EMCN: variants seen among roughly 807,000 people sequenced by gnomAD.
EMCN encodes the protein MUC-14.
Under a neutral mutation model 38.4 loss-of-function variants are expected in EMCN, and 37 were observed. The ratio of observed to expected loss-of-function variants is 0.96; its 90% CI spans 0.74 to 1.27. The LOEUF is 1.27. Among genes scored for constraint, EMCN ranks in the 50% most tolerant of loss-of-function variants. EMCN has a pLI of 0.00. For synonymous variants in EMCN, 95 were observed against 100.8 expected, an observed-to-expected ratio of 0.94 and a Z score of 0.35; for missense variants, 318 against 302.8, an observed-to-expected ratio of 1.05 and a Z score of -0.37.
At chr4:100,456,066 C>G (rs1177493814) in intron 4 of EMCN, among the ~76,000 whole-genome samples, 1 of 152,084 alleles carries the variant, frequency 6.6e-6, no homozygotes, top group African/African-American at 2.4e-5. Flanking sequence ...AGTGTTGGAA[C>G]TACTTTGGGG....
At chr4:100,473,250 C>T (rs1318439990) in intron 3 of EMCN, among the ~76,000 whole-genome samples, 1 of 150,626 alleles carries the variant, frequency 6.6e-6, no homozygotes, top group African/African-American at 2.4e-5. Context: ...TGGTCTTGAA[C>T]TCCTGACCTC....
At position 100,488,196 on chromosome 4, in the gene EMCN, G is replaced by A. The variant is rs559083975; in HGVS notation, c.65-8157C>T. Among the ~76,000 whole-genome samples, 14 of 152,220 alleles carry A rather than the reference G, an allele frequency of 9.2e-5. No homozygotes were observed. The East Asian group carries it at 2.7e-3, about 29-fold the overall frequency. On this transcript the variant is annotated intron_variant, in intron 1 of 11. Coordinates refer to ENST00000296420, the MANE Select transcript of EMCN (RefSeq NM_016242.4). ...ACTGTGAAACTGTATTACATCTAAG[G>A]TTCAGTTACAATGTAAATATCCATC...
At chr4:100,466,734 A>G (rs531339169) in intron 3 of EMCN, among the ~76,000 whole-genome samples, 1 of 152,346 alleles carries the variant, frequency 6.6e-6, no homozygotes, top group East Asian at 1.9e-4. Context: ...TCGTGTTAGC[A>G]TGGAAGTGGG....
chr4:100,446,231 G>C, intron 5 of EMCN: 29 of 984,504 alleles, frequency 2.9e-5, no homozygotes, highest in Non-Finnish European at 3.4e-5. Flanking sequence ...TTCCTCTAGT[G>C]CCTGCCAATT....
At position 100,462,352 on chromosome 4, in the gene EMCN, C is replaced by T. The variant is rs146051219; in HGVS notation, c.376+3071G>A. Among the ~76,000 whole-genome samples, 7 of 152,148 alleles carry T rather than the reference C, an allele frequency of 4.6e-5. No homozygotes were observed. The South Asian group carries it at 6.2e-4, about 14-fold the overall frequency. On this transcript the variant is annotated intron_variant, in intron 4 of 11. Transcript: ENST00000296420. Reference sequence around the variant, plus strand: ...AATACAACAGTCCCCAGAACTGAGACGCAGAGAGCATTCTACTTCATGAAT... The same window carrying T: ...AATACAACAGTCCCCAGAACTGAGATGCAGAGAGCATTCTACTTCATGAAT...
chr4:100,404,084 G>C (rs1292189339), intron 11 of EMCN, among the ~76,000 whole-genome samples: 1 of 151,962 alleles, frequency 6.6e-6, no homozygotes, highest in Non-Finnish European at 1.5e-5. Context: ...GCTAGGTCTT[G>C]TTAGTTTTTG....
intron 10 of EMCN, among the ~76,000 whole-genome samples, chr4:100,413,998 A>C (rs1189813993): frequency 6.6e-6 from 1 of 152,146 alleles, no homozygotes; most frequent in Non-Finnish European, 1.5e-5. Flanking sequence ...CTGCTATTAC[A>C]TTTGCAACGA....
chr4:100,481,317 A>G (rs1224576452), intron 1 of EMCN, among the ~76,000 whole-genome samples: 1 of 152,160 alleles, frequency 6.6e-6, no homozygotes, highest in East Asian at 1.9e-4. Flanking sequence ...TGAAACTAAT[A>G]TCTCAAATGT....
At chr4:100,483,671 C>T (rs934851635) in intron 1 of EMCN, among the ~76,000 whole-genome samples, 7 of 152,036 alleles carry the variant, frequency 4.6e-5, no homozygotes, top group African/African-American at 1.7e-4. Flanking sequence ...AAAAATTTTG[C>T]AACTGGAAAC....
At chr4:100,400,944 T>C (rs2288961) in intron 11 of EMCN, among the ~76,000 whole-genome samples, 39,029 of 152,014 alleles carry the variant, frequency 0.26, 6,777 homozygotes, top group East Asian at 0.77. Flanking sequence ...AATAATGGTA[T>C]AGGACTGAAT....
At chr4:100,445,945 A>G (rs1319733956) in intron 5 of EMCN, 8 of 517,680 alleles carry the variant, frequency 1.5e-5, no homozygotes, top group Non-Finnish European at 2.0e-5. Flanking sequence ...ATTAGTTTAC[A>G]TAACTCGAAA....
At chr4:100,454,378 C>A (rs1165820867) in intron 4 of EMCN, among the ~76,000 whole-genome samples, 3 of 151,802 alleles carry the variant, frequency 2.0e-5, no homozygotes, top group Non-Finnish European at 4.4e-5. Context: ...TTTGAAGCAC[C>A]CCTCAGTGAC....
At chr4:100,442,453 T>G (rs1339142639) in intron 5 of EMCN, among the ~76,000 whole-genome samples, 1 of 152,204 alleles carries the variant, frequency 6.6e-6, no homozygotes, top group African/African-American at 2.4e-5. Flanking sequence ...TGGGAAATTT[T>G]CAGCAATTAT....
chr4:100,421,259 C>G, intron 8 of EMCN, 23 bp downstream of exon 8: 1 of 1,598,734 alleles, frequency 6.3e-7, no homozygotes, highest in Non-Finnish European at 8.6e-7. Flanking sequence ...TTCAGGAAAA[C>G]AAAACAAAAC....
chr4:100,421,858 G>T (rs1431835675), intron 7 of EMCN, among the ~76,000 whole-genome samples: 1 of 152,022 alleles, frequency 6.6e-6, no homozygotes, highest in Non-Finnish European at 1.5e-5. Flanking sequence ...ATAAAATAAT[G>T]TAAGTAGATA....
rs146391690 is a variant in EMCN at position 100,435,431 on chromosome 4, G to T, written c.416-12027C>A. Reference sequence around the variant, plus strand: ...CTCATGGATAGGAAGAATCAATATTGTGAAAATGGCCATACTGCCCAAAGT... The same window carrying T: ...CTCATGGATAGGAAGAATCAATATTTTGAAAATGGCCATACTGCCCAAAGT... On this transcript the variant is annotated intron_variant, in intron 5 of 11. Transcript: ENST00000296420. Among the ~76,000 whole-genome samples the T allele has an allele frequency of 6.3e-3, 963 of 152,252 alleles. 11 individuals are homozygous for T. Among genetic ancestry groups the T allele is most frequent in the African/African-American group, 0.021 (886 of 41,560 alleles).
chr4:100,493,353 A>G (rs1171007302), intron 1 of EMCN, among the ~76,000 whole-genome samples: 1 of 152,222 alleles, frequency 6.6e-6, no homozygotes, highest in East Asian at 1.9e-4. Context: ...TTATAGTTGT[A>G]AAACAAAAAG....
At chr4:100,464,807 T>C (rs1035816583) in intron 4 of EMCN, among the ~76,000 whole-genome samples, 2 of 152,132 alleles carry the variant, frequency 1.3e-5, no homozygotes, top group African/African-American at 4.8e-5. Context: ...CTAAGAGCCA[T>C]ATTGGTCTAT....
intron 1 of EMCN, among the ~76,000 whole-genome samples, chr4:100,504,790 C>T (rs889302343): frequency 1.3e-5 from 2 of 152,170 alleles, no homozygotes; most frequent in African/African-American, 4.8e-5. Context: ...GGGAATCTCC[C>T]TTTTCCTGGG....
Sources: gnomAD v4.1 joint callset for allele counts (sites outside exome capture counted in the v4.1 genomes callset) on GRCh38, gnomAD v4.1.1 for gene constraint, MANE v1.5 for transcripts, NCBI Gene and HGNC (gene_info 2026-07-23, HGNC 2026-07-21) for gene names.